The following LRRC7 variants were observed in gnomAD, a reference collection of about 807,000 sequenced individuals.
The protein encoded by LRRC7 is leucine rich repeat containing 7.
LRRC7 carries 23 observed loss-of-function variants against 175.7 expected under a neutral mutation model. That is an observed-to-expected ratio of 0.13 (90% CI 0.09 to 0.19). The LOEUF is 0.19. Ranked by LOEUF, LRRC7 falls within the 10% of genes least tolerant of loss-of-function variation. LRRC7 has a pLI of 1.00. For synonymous variants in LRRC7, 685 were observed against 680.9 expected (o/e 1.01, Z -0.09); for missense variants, 1,354 against 1,904.7 (o/e 0.71, Z 5.38).
intron 8 of LRRC7, among the ~76,000 whole-genome samples, chr1:69,968,128 A>G (rs911800427): frequency 1.5e-4 from 23 of 152,102 alleles, no homozygotes; most frequent in Admixed American, 1.5e-3. Flanking sequence ...ACTTTAAGAA[A>G]CAATGGATGC....
intron 3 of LRRC7, among the ~76,000 whole-genome samples, chr1:69,766,578 A>G (rs1312096388): frequency 3.3e-5 from 5 of 152,132 alleles, no homozygotes; most frequent in Non-Finnish European, 7.3e-5. Flanking sequence ...CAAGCTATGT[A>G]TTCTTAATAC....
At chr1:69,725,252 G>A (rs2100795848) in intron 2 of LRRC7, among the ~76,000 whole-genome samples, 1 of 152,196 alleles carries the variant, frequency 6.6e-6, no homozygotes, top group African/African-American at 2.4e-5. Flanking sequence ...CATTGAGTAG[G>A]GGGAGGAGGA....
In LRRC7 at chr1:69,782,820, G is replaced by A. The variant is rs752140061; in HGVS notation, c.304-9223G>A. On this transcript the variant is annotated intron_variant, in intron 3 of 26. Coordinates refer to ENST00000651989, the MANE Select transcript of LRRC7 (RefSeq NM_001370785.2). ...CCATTAACCTAGCCAACAGATCCAT[G>A]CCTGGGCTTCAGGTGGTTTGCAAGT... Among the ~76,000 whole-genome samples, 5 of 152,128 alleles carry A rather than the reference G, an allele frequency of 3.3e-5. No homozygotes were observed. The East Asian group carries it at 9.6e-4, about 29-fold the overall frequency.
At chr1:69,725,755 CAG>C (rs1165711649) in intron 2 of LRRC7, among the ~76,000 whole-genome samples, 1 of 152,126 alleles carries the variant, frequency 6.6e-6, no homozygotes, top group Non-Finnish European at 1.5e-5. Context: ...CCATGATGGC[CAG>C]AGAGAGACTA....
intron 2 of LRRC7, among the ~76,000 whole-genome samples, chr1:69,707,116 G>T (rs767732827): frequency 1.3e-5 from 2 of 151,910 alleles, no homozygotes; most frequent in Non-Finnish European, 2.9e-5. Flanking sequence ...GATTAATGAG[G>T]AATAAATAAA....
chr1:69,569,615 G>A (rs1645650360), intron 1 of LRRC7, among the ~76,000 whole-genome samples: 1 of 152,010 alleles, frequency 6.6e-6, no homozygotes, highest in South Asian at 2.1e-4. Flanking sequence ...TGTATAGATT[G>A]CCTTTTAAAA....
chr1:69,916,075 T>G (rs1415854866), intron 7 of LRRC7, among the ~76,000 whole-genome samples: 1 of 110,690 alleles, frequency 9.0e-6, no homozygotes. Flanking sequence ...TTTATATATA[T>G]AATATATATA....
intron 26 of LRRC7, 34 bp from the exon 27 acceptor site, chr1:70,121,746 C>CATTG (rs778744667): frequency 7.4e-7 from 1 of 1,351,660 alleles, no homozygotes; most frequent in East Asian, 2.3e-5. Flanking sequence ...TAATAGTTTA[C>CATTG]ATTGATTGCC....
intron 11 of LRRC7, among the ~76,000 whole-genome samples, chr1:70,005,242 G>A (rs569097985): frequency 1.4e-4 from 22 of 152,058 alleles, no homozygotes; most frequent in Non-Finnish European, 2.4e-4. Flanking sequence ...TGGAGCCCAC[G>A]CCTGTCTCAA....
Position 69,760,216 on chromosome 1 carries a change from A to G in LRRC7, c.126A>G (p.Lys42=). 1 of 1,612,668 alleles carries G rather than the reference A, an allele frequency of 6.2e-7. No homozygotes were observed. Among genetic ancestry groups the G allele is most frequent in the Non-Finnish European group, 8.5e-7 (1 of 1,179,198 alleles). ...TGCAGTGCCTGGAGATGACCACCAA[A>G]CGGAAAATCATCGGCCGTCTGGTGC... ...EELQCLEMTT[K]RKIIGRLVPC... The change falls in exon 3 of 27, where the codon AAA becomes AAG. Residue 42 remains lysine, a synonymous_variant. Transcript: ENST00000651989.
chr1:69,788,177 C>A (rs1403306912), intron 3 of LRRC7, among the ~76,000 whole-genome samples: 2 of 152,158 alleles, frequency 1.3e-5, no homozygotes, highest in East Asian at 1.9e-4. Context: ...CTTCCACTTG[C>A]AATATCTGTA....
At position 70,122,292 on chromosome 1, in the gene LRRC7, GA is replaced by G. The variant is rs1249330123; in HGVS notation, c.*407del. ...TTTATATAGAAAATACAAATATAAA[GA>G]ATTGTAATTCCCATAAAATATTTCT... On this transcript the variant is annotated 3_prime_UTR_variant, in exon 27 of 27. Transcript: ENST00000651989. 2 of 153,644 alleles carry G rather than the reference GA, an allele frequency of 1.3e-5. No individual in the cohort carries two copies. Among genetic ancestry groups the G allele is most frequent in the African/African-American group, 4.8e-5 (2 of 41,404 alleles). 9.5% of individuals were successfully genotyped at this position (153,644 alleles called of 1,614,324 possible).
chr1:69,810,708 C>T (rs536641857), intron 4 of LRRC7, among the ~76,000 whole-genome samples: 66 of 152,286 alleles, frequency 4.3e-4, no homozygotes, highest in African/African-American at 1.6e-3. Context: ...GTTGGGAAAA[C>T]TGGCTAGCCA....
intron 23 of LRRC7, among the ~76,000 whole-genome samples, chr1:70,061,926 G>A (rs964626372): frequency 1.3e-5 from 2 of 151,998 alleles, no homozygotes; most frequent in East Asian, 1.9e-4. Flanking sequence ...CAATCATGCC[G>A]GTCACCTGAG....
At chr1:69,924,609 T>C (rs1212450415) in intron 7 of LRRC7, among the ~76,000 whole-genome samples, 2 of 152,176 alleles carry the variant, frequency 1.3e-5, no homozygotes, top group African/African-American at 4.8e-5. Context: ...TTGTCTGTTA[T>C]TGGTGTATAA....
At chr1:69,766,991 T>C (rs772726111) in intron 3 of LRRC7, among the ~76,000 whole-genome samples, 1 of 152,154 alleles carries the variant, frequency 6.6e-6, no homozygotes, top group Non-Finnish European at 1.5e-5. Flanking sequence ...TTCTAGAACA[T>C]TTTCATCACC....
At chr1:69,633,809 A>C (rs563712510) in intron 1 of LRRC7, among the ~76,000 whole-genome samples, 1 of 152,298 alleles carries the variant, frequency 6.6e-6, no homozygotes, top group South Asian at 2.1e-4. Context: ...AGGGCCTGCC[A>C]TGGGGCTAGC....
intron 4 of LRRC7, among the ~76,000 whole-genome samples, chr1:69,821,447 T>C (rs1679286823): frequency 6.6e-6 from 1 of 152,170 alleles, no homozygotes; most frequent in Non-Finnish European, 1.5e-5. Flanking sequence ...ATGATTTCTA[T>C]CTCTTCATTT....
chr1:69,820,971 CCCA>C (rs1162946945), intron 4 of LRRC7, among the ~76,000 whole-genome samples: 2 of 152,170 alleles, frequency 1.3e-5, no homozygotes, highest in Non-Finnish European at 2.9e-5. Flanking sequence ...AATTTACACT[CCCA>C]CCAACAGTGT....
Sources: allele counts gnomAD v4.1 joint callset (sites outside exome capture counted in the v4.1 genomes callset), GRCh38; gene constraint gnomAD v4.1.1; transcripts MANE v1.5; gene names NCBI Gene and HGNC (gene_info 2026-07-23, HGNC 2026-07-21).